The following AKT1 variants were observed in gnomAD, a reference collection of about 807,000 sequenced individuals.
AKT1 encodes the protein RAC-alpha serine/threonine-protein kinase.
In AKT1, 21 loss-of-function variants were observed where a neutral mutation model predicts 63.1. The ratio of observed to expected loss-of-function variants is 0.33; its 90% confidence interval spans 0.24 to 0.48. AKT1 has a LOEUF of 0.48. Among genes scored for constraint, AKT1 ranks in the 20% least tolerant of loss-of-function variants. The probability of loss-of-function intolerance (pLI) is 0.99; values close to 1 mark genes in which losing one functional copy is unlikely to be tolerated. For missense variants in AKT1, 382 were observed against 666.0 expected (o/e 0.57, Z 4.69); for synonymous variants, 257 against 253.1 (o/e 1.02, Z -0.15).
intron 4 of AKT1, chr14:104,778,303 C>G (rs950203437): frequency 1.3e-5 from 2 of 152,346 alleles, no homozygotes; most frequent in African/African-American, 2.4e-5. Flanking sequence ...CCTGAAGCCC[C>G]CAGCCCCAAC....
In AKT1 at chr14:104,776,647, C is replaced by T. The variant is rs1436391350; in HGVS notation, c.287+12G>A. The T allele has an allele frequency of 5.6e-6, 9 of 1,610,386 alleles. No homozygotes were observed. The highest frequency in any genetic ancestry group is 1.1e-5 in the South Asian group (1 of 90,930). ...GCCCAAGTGCCTGGCCTGGCCGCCACAGCCCACGTACCGCTCCTCAGGAGT... is the reference window on the plus strand; with the variant it reads ...GCCCAAGTGCCTGGCCTGGCCGCCATAGCCCACGTACCGCTCCTCAGGAGT... On this transcript the variant is annotated intron_variant, in intron 5 of 14. Coordinates refer to ENST00000649815, the MANE Select transcript of AKT1 (RefSeq NM_001382430.1).
chr14:104,774,051 C>T, intron 8 of AKT1, 71 bp from the exon 9 acceptor site: 1 of 1,454,104 alleles, frequency 6.9e-7, no homozygotes, highest in Non-Finnish European at 9.5e-7. Flanking sequence ...CTGCCCGACA[C>T]CACGCTGCTT....
intron 5 of AKT1, 110 bp downstream of exon 5, chr14:104,776,549 G>A (rs913787392): frequency 6.4e-5 from 58 of 902,228 alleles, no homozygotes; most frequent in Non-Finnish European, 1.8e-5. Flanking sequence ...TGGGAGCACT[G>A]GGGAGTGAGG....
intron 2 of AKT1, 176 bp downstream of exon 2, chr14:104,792,951 G>C: frequency 1.8e-6 from 1 of 552,822 alleles, no homozygotes; most frequent in East Asian, 3.0e-5. Context: ...ATTGAACACA[G>C]TTCCCTGGAC....
intron 3 of AKT1, among the ~76,000 whole-genome samples, chr14:104,788,406 G>T (rs1198725172): frequency 1.3e-5 from 2 of 152,190 alleles, no homozygotes; most frequent in East Asian, 3.9e-4. Context: ...AATTAGCCCT[G>T]CGGGGCCCTC....
chr14:104,789,320 C>T (rs1893505364), intron 3 of AKT1, among the ~76,000 whole-genome samples: 2 of 152,242 alleles, frequency 1.3e-5, no homozygotes, highest in Non-Finnish European at 2.9e-5. Context: ...GGAAGACAGC[C>T]GCGAGTGGAC....
intron 1 of AKT1, among the ~76,000 whole-genome samples, chr14:104,794,837 C>T (rs556970472): frequency 1.3e-5 from 2 of 152,370 alleles, no homozygotes; most frequent in South Asian, 2.1e-4. Context: ...GGACCAAGCT[C>T]GCTAGCGCCC....
At chr14:104,770,932 AC>A in intron 13 of AKT1, 85 bp from the exon 14 acceptor site, 1 of 1,241,952 alleles carries the variant, frequency 8.1e-7, no homozygotes, top group Non-Finnish European at 1.2e-6. Flanking sequence ...CCTTCAAAGC[AC>A]CTGGATCTCC....
At chr14:104,772,271 T>C in intron 13 of AKT1, 94 bp downstream of exon 13, 1 of 1,338,610 alleles carries the variant, frequency 7.5e-7, no homozygotes, top group Admixed American at 1.7e-5. Flanking sequence ...TGAGGGCGAG[T>C]GTGTGGGAAA....
chr14:104,774,131 T>C (rs1464614880), intron 8 of AKT1, 151 bp from the exon 9 acceptor site: 2 of 679,774 alleles, frequency 2.9e-6, no homozygotes, highest in African/African-American at 3.6e-5. Flanking sequence ...CGCTGCCTGA[T>C]ACCACACCGC....
chr14:104,784,221 C>T (rs1004254757), intron 3 of AKT1, among the ~76,000 whole-genome samples: 2 of 152,214 alleles, frequency 1.3e-5, no homozygotes, highest in Admixed American at 6.5e-5. Flanking sequence ...GACCCTTAAC[C>T]CTGTGACACT....
rs2140922246 is a variant in AKT1, at chr14:104,775,716, G to A, written c.371C>T (p.Ser124Leu). ...EEEEMDFRSG[S>L]PSDNSGAEEM... Reference sequence around the variant, plus strand: ...TTCAGCCCCTGAGTTGTCACTGGGTGAGCCCGACCGGAAGTCCATCTCCTC... The same window carrying A: ...TTCAGCCCCTGAGTTGTCACTGGGTAAGCCCGACCGGAAGTCCATCTCCTC... The change falls in exon 6 of 15, where the codon TCA becomes TTA. Residue 124 changes from serine to leucine, a missense_variant. Around this residue, in one of 3 missense-constraint regions of AKT1, gnomAD observed 226 missense variants for 366.4 expected, o/e 0.62. Coordinates refer to ENST00000649815, the MANE Select transcript of AKT1 (RefSeq NM_001382430.1). The A allele has an allele frequency of 6.2e-7, 1 of 1,614,112 alleles. No individual in the cohort carries two copies. Among genetic ancestry groups the A allele is most frequent in the South Asian group, 1.1e-5 (1 of 91,080 alleles).
intron 3 of AKT1, among the ~76,000 whole-genome samples, chr14:104,784,801 G>T (rs998962273): frequency 6.6e-6 from 1 of 152,136 alleles, no homozygotes; most frequent in East Asian, 1.9e-4. Flanking sequence ...GGACCCACGC[G>T]CCATGGGCAG....
chr14:104,769,896 T>C lies in AKT1; in HGVS notation c.*445A>G. 1 of 392,882 alleles carries C rather than the reference T, an allele frequency of 2.5e-6. No homozygotes were observed. The highest frequency in any genetic ancestry group is 4.7e-6 in the Non-Finnish European group (1 of 211,348). The allele number at this position is 392,882 out of a possible 1,614,324, so 24.3% of individuals were successfully genotyped here. On this transcript the variant is annotated 3_prime_UTR_variant, in exon 15 of 15. Coordinates refer to ENST00000649815, the MANE Select transcript of AKT1 (RefSeq NM_001382430.1). ...GCTGGCCAGCATACCATAGTGAGGTTGCATCTGGTGCCACCAGGTTGAACT... is the reference window on the plus strand; with the variant it reads ...GCTGGCCAGCATACCATAGTGAGGTCGCATCTGGTGCCACCAGGTTGAACT...
At chr14:104,788,353 T>A (rs1214862691) in intron 3 of AKT1, among the ~76,000 whole-genome samples, 1 of 152,120 alleles carries the variant, frequency 6.6e-6, no homozygotes, top group Non-Finnish European at 1.5e-5. Context: ...GCTGGGCCCC[T>A]CATCCTGGCG....
intron 3 of AKT1, among the ~76,000 whole-genome samples, chr14:104,788,052 C>T (rs879415778): frequency 6.6e-6 from 1 of 152,192 alleles, no homozygotes; most frequent in Non-Finnish European, 1.5e-5. Context: ...ACTCTCTGCC[C>T]AGCCCTCCCA....
In AKT1 at chr14:104,780,209, G is replaced by A. The variant is rs1317567840; in HGVS notation, c.54C>T (p.Tyr18=). 3 of 1,613,352 alleles carry A rather than the reference G, an allele frequency of 1.9e-6. No homozygotes were observed. The highest frequency in any genetic ancestry group is 2.2e-5 in the East Asian group (1 of 44,884). The change falls in exon 4 of 15, where the codon TAC becomes TAT. Residue 18 remains tyrosine (Y), a synonymous_variant. Coordinates refer to ENST00000649815, the MANE Select transcript of AKT1 (RefSeq NM_001382430.1). The part of the protein sequence containing the change: ...KEGWLHKRGE[Y]IKTWRPRYFL... The stretch of plus-strand genomic sequence containing the variant: ...AGTAGCGTGGCCGCCAGGTCTTGAT[G>A]TACTCCCCTACAGACGTGCGGGTGG...
At position 104,769,885 on chromosome 14, in the gene AKT1, C is replaced by T. The variant is rs1892278576; in HGVS notation, c.*456G>A. The T allele has an allele frequency of 2.5e-6, 1 of 394,096 alleles. No individual in the cohort carries two copies. The highest frequency in any genetic ancestry group is 4.7e-6 in the Non-Finnish European group (1 of 212,082). The allele number at this position is 394,096 out of a possible 1,614,324, so 24.4% of individuals were successfully genotyped here. A position where few individuals can be genotyped will look rare whatever the true frequency, so the allele number is the denominator to read the frequency against. ...CAGGAGAGGGTGCTGGCCAGCATAC[C>T]ATAGTGAGGTTGCATCTGGTGCCAC... On this transcript the variant is annotated 3_prime_UTR_variant, in exon 15 of 15. Transcript: ENST00000649815.
chr14:104,772,173 C>G, intron 13 of AKT1, 192 bp downstream of exon 13: 1 of 630,596 alleles, frequency 1.6e-6, no homozygotes, highest in Non-Finnish European at 2.8e-6. Flanking sequence ...CTGGTGGAAC[C>G]CGGCAGTGCC....
Sources: gnomAD v4.1 joint callset for allele counts (sites outside exome capture counted in the v4.1 genomes callset) on GRCh38, gnomAD v4.1.1 for gene constraint, gnomAD v4.1.1 regional missense constraint, MANE v1.5 for transcripts, NCBI Gene and HGNC (gene_info 2026-07-23, HGNC 2026-07-21) for gene names.